KALRN: variants seen among roughly 807,000 people sequenced by gnomAD.
KALRN encodes kalirin RhoGEF kinase.
A neutral mutation model predicts 353.7 loss-of-function variants in KALRN; 70 were observed. The observed-to-expected ratio is 0.20, with a 90% confidence interval of 0.16 to 0.24. The LOEUF is 0.24. Among genes scored for constraint, KALRN ranks in the 10% least tolerant of loss-of-function variants. KALRN has a pLI of 1.00. For missense variants in KALRN, 2,791 were observed against 3,756.7 expected, an observed-to-expected ratio of 0.74 and a Z score of 6.72; for synonymous variants, 1,391 against 1,434.8, an observed-to-expected ratio of 0.97 and a Z score of 0.69.
At chr3:124,711,659 G>T (rs924961427) in intron 57 of KALRN, among the ~76,000 whole-genome samples, 1 of 152,108 alleles carries the variant, frequency 6.6e-6, no homozygotes, top group African/African-American at 2.4e-5. Flanking sequence ...TTTCAGGGGT[G>T]GGTAATTTTG....
chr3:124,053,462 G>A (rs1016015128), intron 1 of KALRN, among the ~76,000 whole-genome samples: 3 of 152,166 alleles, frequency 2.0e-5, no homozygotes, highest in Non-Finnish European at 2.9e-5. Flanking sequence ...TTTGGCTTAG[G>A]TTGTGGGTGA....
At chr3:124,699,667 G>A (rs772179711) in intron 55 of KALRN, among the ~76,000 whole-genome samples, 2 of 152,074 alleles carry the variant, frequency 1.3e-5, no homozygotes, top group Admixed American at 6.5e-5. Context: ...CTTCTTCCAC[G>A]CCTCTCACCA....
intron 3 of KALRN, among the ~76,000 whole-genome samples, chr3:124,246,485 T>G (rs2148703211): frequency 6.6e-6 from 1 of 152,338 alleles, no homozygotes; most frequent in East Asian, 1.9e-4. Context: ...TTGGTGATTC[T>G]TTAGTTTTGC....
intron 15 of KALRN, among the ~76,000 whole-genome samples, chr3:124,424,943 G>C (rs1220601434): frequency 6.6e-6 from 1 of 152,172 alleles, no homozygotes; most frequent in Non-Finnish European, 1.5e-5. Flanking sequence ...CTAAATCCAA[G>C]GTCCTACAGT....
intron 3 of KALRN, among the ~76,000 whole-genome samples, chr3:124,261,717 G>C (rs1464583901): frequency 6.6e-6 from 1 of 152,212 alleles, no homozygotes; most frequent in South Asian, 2.1e-4. Context: ...AGAATTCTCA[G>C]GTCAGCATAA....
intron 14 of KALRN, among the ~76,000 whole-genome samples, chr3:124,416,653 T>C (rs1488662491): frequency 6.6e-6 from 1 of 152,106 alleles, no homozygotes; most frequent in African/African-American, 2.4e-5. Flanking sequence ...CTTAGGGAAA[T>C]GGAGGGTAGA....
rs1433794431 is a variant in KALRN, at chr3:124,492,773, A to G, written c.4723A>G (p.Lys1575Glu). 6.2e-7 allele frequency: 1 copy of G among 1,614,086 alleles called. No individual in the cohort carries two copies. ...CATTGAAACCAAGCAGGAGTGGATC[A>G]AGAACATTCGAGAAGTGATTCAAGA... The part of the protein sequence containing the change: ...SNIETKQEWI[K>E]NIREVIQERI... The change falls in exon 32 of 60, where the codon AAG (lysine) becomes GAG (glutamate). Residue 1575 changes from lysine to glutamate, a missense_variant. This residue lies in a region of KALRN where 239 missense variants were observed against 351.3 expected (regional missense o/e 0.68). Coordinates refer to ENST00000682506, the MANE Select transcript of KALRN (RefSeq NM_001388419.1).
chr3:124,086,498 A>G (rs1188082402), intron 1 of KALRN, among the ~76,000 whole-genome samples: 1 of 152,042 alleles, frequency 6.6e-6, no homozygotes, highest in Non-Finnish European at 1.5e-5. Context: ...CCTGTTCATA[A>G]TCTTTACTTA....
intron 10 of KALRN, among the ~76,000 whole-genome samples, chr3:124,351,011 A>G (rs2082777238): frequency 6.6e-6 from 1 of 152,152 alleles, no homozygotes; most frequent in Non-Finnish European, 1.5e-5. Context: ...CACATAGGAA[A>G]ACCAATGCTG....
chr3:124,685,543 G>A (rs761741436), intron 51 of KALRN, among the ~76,000 whole-genome samples: 2 of 152,144 alleles, frequency 1.3e-5, no homozygotes, highest in African/African-American at 2.4e-5. Context: ...CTACTCGTAT[G>A]GCTCAAGTAC....
intron 32 of KALRN, among the ~76,000 whole-genome samples, chr3:124,495,965 G>GTATATATATATATATATA (rs768441029): frequency 4.8e-4 from 20 of 41,458 alleles, no homozygotes; most frequent in African/African-American, 6.8e-4. Context: ...GTGTATGTAT[G>GTATATATATATATATATA]TATATATATA....
chr3:124,295,182 G>A (rs1162846590), intron 5 of KALRN, among the ~76,000 whole-genome samples: 4 of 152,212 alleles, frequency 2.6e-5, no homozygotes, highest in African/African-American at 9.6e-5. Context: ...ATTTGTGATT[G>A]TCCCTTAGGA....
At chr3:124,673,492 T>C (rs1482051622) in intron 48 of KALRN, among the ~76,000 whole-genome samples, 4 of 150,386 alleles carry the variant, frequency 2.7e-5, no homozygotes, top group African/African-American at 9.7e-5. Flanking sequence ...ATAGAATATA[T>C]ATGTATATCC....
chr3:124,153,165 G>C (rs567022401), intron 1 of KALRN: 1 of 152,568 alleles, frequency 6.6e-6, no homozygotes, highest in East Asian at 1.9e-4. Context: ...TGTGCACAAT[G>C]TGCCGGTTAG....
chr3:124,358,483 G>A (rs906204323), intron 10 of KALRN, among the ~76,000 whole-genome samples: 25 of 152,168 alleles, frequency 1.6e-4, no homozygotes, highest in Non-Finnish European at 3.2e-4. Context: ...TTAGACAGAA[G>A]TGGTATACTG....
chr3:124,613,155 T>G (rs191753276), intron 34 of KALRN, among the ~76,000 whole-genome samples: 7 of 152,284 alleles, frequency 4.6e-5, no homozygotes, highest in African/African-American at 1.7e-4. Flanking sequence ...TTTGGGCCTT[T>G]GGTCCCAGAT....
intron 25 of KALRN, 39 bp downstream of exon 25, chr3:124,462,672 C>A: frequency 1.7e-6 from 2 of 1,197,848 alleles, no homozygotes; most frequent in Non-Finnish European, 2.5e-6. Context: ...ACACTTAGGC[C>A]GTAAAAACCA....
chr3:124,310,640 G>A (rs1032718205), intron 6 of KALRN, among the ~76,000 whole-genome samples: 7 of 152,198 alleles, frequency 4.6e-5, no homozygotes, highest in African/African-American at 9.6e-5. Flanking sequence ...TTAGACAAGA[G>A]TGCCAATATC....
At chr3:124,232,273 G>A (rs2079250229) in intron 2 of KALRN, among the ~76,000 whole-genome samples, 1 of 152,182 alleles carries the variant, frequency 6.6e-6, no homozygotes, top group African/African-American at 2.4e-5. Flanking sequence ...CAGCAACCCT[G>A]AAGCTCATGT....
Sources: allele counts gnomAD v4.1 joint callset (sites outside exome capture counted in the v4.1 genomes callset), GRCh38; gene constraint gnomAD v4.1.1; regional missense constraint gnomAD v4.1.1; transcripts MANE v1.5; gene names NCBI Gene and HGNC (gene_info 2026-07-23, HGNC 2026-07-21).